Variants in ABCA4 observed in about 807,000 individuals in gnomAD.
The protein encoded by ABCA4 is ATP binding cassette subfamily A member 4.
A neutral mutation model predicts 263.7 loss-of-function variants in ABCA4; 196 were observed. The ratio of observed to expected loss-of-function variants is 0.74; its 90% CI spans 0.66 to 0.84. The LOEUF is 0.84. Ranked by LOEUF, ABCA4 falls within the 40% of genes least tolerant of loss-of-function variation. ABCA4 has a pLI of 0.00. For synonymous variants in ABCA4, 1,133 were observed against 1,094.2 expected (o/e 1.04, Z -0.70); for missense variants, 2,792 against 2,855.1 (o/e 0.98, Z 0.50).
At position 94,055,844 on chromosome 1, in the gene ABCA4, T is replaced by G. The variant is rs538466359; in HGVS notation, c.2383-529A>C. On this transcript the variant is annotated intron_variant, in intron 15 of 49. Coordinates refer to ENST00000370225, the MANE Select transcript of ABCA4 (RefSeq NM_000350.3). ...TGTGAGTCGTGAGAACAAGTCAGACTTTCTGTCTTTTCCCAGTGAGGGCAG... is the reference window on the plus strand; with the variant it reads ...TGTGAGTCGTGAGAACAAGTCAGACGTTCTGTCTTTTCCCAGTGAGGGCAG... Among the ~76,000 whole-genome samples the G allele has an allele frequency of 1.1e-4, 16 of 152,336 alleles. 1 individual carries two copies. Among genetic ancestry groups the G allele is most frequent in the African/African-American group, 3.4e-4 (14 of 41,584 alleles).
intron 5 of ABCA4, 42 bp downstream of exon 5, chr1:94,102,973 T>C: frequency 5.0e-6 from 8 of 1,613,850 alleles, no homozygotes; most frequent in Non-Finnish European, 6.8e-6. Flanking sequence ...GCTGGGTGCT[T>C]CCCTCCCCTC....
intron 6 of ABCA4, among the ~76,000 whole-genome samples, chr1:94,091,019 G>A (rs1415913512): frequency 6.6e-6 from 1 of 152,116 alleles, no homozygotes; most frequent in Non-Finnish European, 1.5e-5. Context: ...AAAGGGGAGG[G>A]CCCAGGAATT....
chr1:94,004,583 T>C (rs1659318526), intron 44 of ABCA4, among the ~76,000 whole-genome samples: 1 of 152,208 alleles, frequency 6.6e-6, no homozygotes, highest in African/African-American at 2.4e-5. Flanking sequence ...AAGATTATGA[T>C]ATTTATTTGA....
chr1:94,010,174 G>A (rs1659507222), intron 40 of ABCA4, among the ~76,000 whole-genome samples: 1 of 152,216 alleles, frequency 6.6e-6, no homozygotes, highest in Admixed American at 6.5e-5. Context: ...TCAGGCCCCT[G>A]GGTGAGGACA....
chr1:94,068,917 G>A (rs991080063), intron 11 of ABCA4, among the ~76,000 whole-genome samples: 1 of 152,324 alleles, frequency 6.6e-6, no homozygotes, highest in African/African-American at 2.4e-5. Flanking sequence ...AATGCCCTAT[G>A]ACAGCCAATG....
chr1:94,005,475 C>T lies in ABCA4; in HGVS notation c.6113G>A (p.Arg2038Gln), dbSNP rs767729255. Residue 2038 changes from arginine to glutamine, a missense_variant, in exon 44 of 50, where the codon CGG (arginine) becomes CAG (glutamine). Physicochemically the swap from Arg to Gln is conservative, Grantham distance 43. Coordinates refer to ENST00000370225, the MANE Select transcript of ABCA4 (RefSeq NM_000350.3). The part of the protein sequence containing the change: ...TGREHLYLYA[R>Q]LRGVPAEEIE... ...TTCTTCTGCTGGTACACCTCGAAGC[C>T]GGGCATAAAGGTAAAGATGTTCTCG... 3.2e-5 allele frequency: 52 copies of T among 1,613,972 alleles called. No homozygotes were observed. Among genetic ancestry groups the T allele is most frequent in the Admixed American group, 1.0e-4 (6 of 59,982 alleles).
chr1:94,031,857 A>G lies in ABCA4; in HGVS notation c.4049T>C (p.Leu1350Pro), dbSNP rs1064793012. 3.7e-6 allele frequency: 6 copies of G among 1,614,190 alleles called. No homozygotes were observed. The highest frequency in any genetic ancestry group is 5.1e-6 in the Non-Finnish European group (6 of 1,180,042). The change falls in exon 27 of 50, where the codon CTG becomes CCG. Residue 1350 changes from leucine to proline, a missense_variant. Transcript: ENST00000370225. ...CAGCGCCTGCACATGCTGGAGGACC[A>G]GCTGTGTCCCCGTGTTGAGCTGCGG... ...PGPQLNTGTQ[L>P]VLQHVQALLV...
chr1:94,108,495 A>G, intron 4 of ABCA4, 82 bp downstream of exon 4: 1 of 1,599,710 alleles, frequency 6.3e-7, no homozygotes, highest in Non-Finnish European at 8.5e-7. Context: ...ATTTTTCACC[A>G]ACTCTCCCTG....
rs1310104943 is a variant in ABCA4 at position 94,099,000 on chromosome 1, A to C, written c.571-9T>G. The C allele has an allele frequency of 1.2e-6, 2 of 1,601,700 alleles. No individual in the cohort carries two copies. The highest frequency in any genetic ancestry group is 3.4e-5 in the Admixed American group (2 of 59,670). On this transcript the variant is annotated splice_polypyrimidine_tract_variant and intron_variant, in intron 5 of 49. Coordinates refer to ENST00000370225, the MANE Select transcript of ABCA4 (RefSeq NM_000350.3). ...GGGACTCCATGAGCGAACTGCAGGGAGAAGAGGCAACACTAGAAACTGCCC... is the reference window on the plus strand; with the variant it reads ...GGGACTCCATGAGCGAACTGCAGGGCGAAGAGGCAACACTAGAAACTGCCC...
chr1:93,996,243 A>G (rs376169297), intron 48 of ABCA4, 48 bp from the exon 49 acceptor site: 2 of 1,411,272 alleles, frequency 1.4e-6, no homozygotes, highest in Non-Finnish European at 2.0e-6. Flanking sequence ...CCAGGAAAAC[A>G]GCACCCTACA....
At chr1:94,074,507 A>G (rs1353632806) in intron 11 of ABCA4, among the ~76,000 whole-genome samples, 1 of 152,232 alleles carries the variant, frequency 6.6e-6, no homozygotes, top group African/African-American at 2.4e-5. Context: ...GCCAAAATTG[A>G]AAAATGGATC....
chr1:94,108,607 T>G lies in ABCA4; in HGVS notation c.412A>C (p.Thr138Pro). ...ELHILSQFMDTLRTHPERIAG... is the reference protein window; with the variant it reads ...ELHILSQFMDPLRTHPERIAG... Reference sequence around the variant, plus strand: ...ATTCTCTCCGGGTGAGTCCGGAGGGTGTCCATGAATTGGGACAAGATGTGT... The same window carrying G: ...ATTCTCTCCGGGTGAGTCCGGAGGGGGTCCATGAATTGGGACAAGATGTGT... The change falls in exon 4 of 50, where the codon ACC (threonine) becomes CCC (proline). Residue 138 changes from threonine (T) to proline (P), a missense_variant. Coordinates refer to ENST00000370225, the MANE Select transcript of ABCA4 (RefSeq NM_000350.3). The G allele has an allele frequency of 1.2e-6, 2 of 1,613,634 alleles. No homozygotes were observed. The highest frequency in any genetic ancestry group is 1.7e-6 in the Non-Finnish European group (2 of 1,179,996).
At chr1:94,061,925 T>G (rs1233978389) in intron 13 of ABCA4, among the ~76,000 whole-genome samples, 1 of 142,312 alleles carries the variant, frequency 7.0e-6, no homozygotes, top group African/African-American at 2.7e-5. Context: ...TGACCCCATC[T>G]ATAATGACAA....
intron 18 of ABCA4, among the ~76,000 whole-genome samples, chr1:94,048,638 T>C (rs1660752344): frequency 6.6e-6 from 1 of 152,232 alleles, no homozygotes; most frequent in Admixed American, 6.5e-5. Context: ...CACTACATAG[T>C]TGGTATTTGC....
In ABCA4 at chr1:93,996,096, G is replaced by A; in HGVS notation, c.6816+13C>T. 6.2e-7 allele frequency: 1 copy of A among 1,612,756 alleles called. No homozygotes were observed. Among genetic ancestry groups the A allele is most frequent in the Non-Finnish European group, 8.5e-7 (1 of 1,179,200 alleles). On this transcript the variant is annotated intron_variant, in intron 49 of 49. Coordinates refer to ENST00000370225, the MANE Select transcript of ABCA4 (RefSeq NM_000350.3). The stretch of plus-strand genomic sequence containing the variant: ...CTGCCTCAAGCTGTGGACTGCATAA[G>A]CAGCAGGGGTACCTGGGCTTGTCGA...
At chr1:94,000,418 T>C (rs1440370565) in intron 47 of ABCA4, among the ~76,000 whole-genome samples, 2 of 152,198 alleles carry the variant, frequency 1.3e-5, no homozygotes, top group Non-Finnish European at 2.9e-5. Context: ...AAGCATACAA[T>C]ATTCTAAAAA....
At chr1:94,027,902 T>C (rs1468467840) in intron 30 of ABCA4, among the ~76,000 whole-genome samples, 2 of 152,184 alleles carry the variant, frequency 1.3e-5, no homozygotes, top group East Asian at 3.9e-4. Context: ...CTGAGGCCTG[T>C]TTAGTGTGGA....
At chr1:94,019,855 C>G (rs879621152) in intron 35 of ABCA4, 96 bp from the exon 36 acceptor site, 43 of 1,384,294 alleles carry the variant, frequency 3.1e-5, no homozygotes, top group Admixed American at 3.9e-5. Flanking sequence ...GGCCTTACAC[C>G]CGCCCAGGTG....
chr1:94,120,531 G>T lies in ABCA4; in HGVS notation c.66+449C>A, dbSNP rs79738130. Reference sequence around the variant, plus strand: ...AAATGCTAACATGTGAAAAAACAATGTGCCTCAGAGAATCAATGAAATAAG... The same window carrying T: ...AAATGCTAACATGTGAAAAAACAATTTGCCTCAGAGAATCAATGAAATAAG... On this transcript the variant is annotated intron_variant, in intron 1 of 49. Coordinates refer to ENST00000370225, the MANE Select transcript of ABCA4 (RefSeq NM_000350.3). Among the ~76,000 whole-genome samples, 548 of 152,306 alleles carry T rather than the reference G, an allele frequency of 3.6e-3. 3 individuals are homozygous for T. The highest frequency in any genetic ancestry group is 0.012 in the African/African-American group (515 of 41,564).
Sources: allele counts gnomAD v4.1 joint callset (sites outside exome capture counted in the v4.1 genomes callset), GRCh38; gene constraint gnomAD v4.1.1; transcripts MANE v1.5; gene names NCBI Gene and HGNC (gene_info 2026-07-23, HGNC 2026-07-21).